Variants in FNBP1L observed in about 807,000 individuals in gnomAD.
FNBP1L encodes formin-binding protein 1-like.
Under a neutral mutation model 91.2 loss-of-function variants are expected in FNBP1L, and 36 were observed. The ratio of observed to expected loss-of-function variants is 0.39; its 90% confidence interval spans 0.30 to 0.52. The LOEUF (loss-of-function observed/expected upper bound fraction) is 0.52. Among genes scored for constraint, FNBP1L ranks in the 20% least tolerant of loss-of-function variants. FNBP1L has a pLI of 0.66. For missense variants in FNBP1L, 571 were observed against 732.1 expected (o/e 0.78, Z 2.54); for synonymous variants, 242 against 237.0 (o/e 1.02, Z -0.19).
intron 1 of FNBP1L, among the ~76,000 whole-genome samples, chr1:93,459,317 T>C (rs1668781272): frequency 6.6e-6 from 1 of 152,182 alleles, no homozygotes; most frequent in South Asian, 2.1e-4. Context: ...CTACTATATT[T>C]GTAAACTATG....
chr1:93,450,594 C>T (rs1244229459), intron 1 of FNBP1L, among the ~76,000 whole-genome samples: 1 of 152,148 alleles, frequency 6.6e-6, no homozygotes, highest in East Asian at 1.9e-4. Flanking sequence ...AAGGATTATA[C>T]TTCTAATGGA....
At chr1:93,536,258 A>C (rs1163886900) in intron 9 of FNBP1L, 74 bp from the exon 10 acceptor site, 1 of 1,156,646 alleles carries the variant, frequency 8.6e-7, no homozygotes, top group African/African-American at 1.6e-5. Flanking sequence ...GTATGTTGCC[A>C]AAAATAGAAT....
rs1671652233 is a variant in FNBP1L, at chr1:93,530,888, A to G, written c.639+5A>G. 2.0e-6 allele frequency: 3 copies of G among 1,527,040 alleles called. No homozygotes were observed. The African/African-American group carries it at 4.2e-5, about 21-fold the overall frequency. 94.6% of individuals were successfully genotyped at this position (1,527,040 alleles called of 1,614,324 possible). ...GTGATTCCTCAGATTTACAAGGTAA[A>G]TCTTAGATATGAAGTTAATCTAGTT... is the stretch of plus-strand genomic sequence containing the variant. On this transcript the variant is annotated splice_donor_5th_base_variant and intron_variant, in intron 7 of 16. Transcript: ENST00000271234.
intron 1 of FNBP1L, among the ~76,000 whole-genome samples, chr1:93,455,618 C>G (rs1668636631): frequency 6.6e-6 from 1 of 152,190 alleles, no homozygotes; most frequent in African/African-American, 2.4e-5. Context: ...AGGGTGTTCA[C>G]TGGGAAAAAT....
At chr1:93,533,197 T>C in intron 8 of FNBP1L, 129 bp downstream of exon 8, 2 of 650,172 alleles carry the variant, frequency 3.1e-6, no homozygotes, top group Non-Finnish European at 4.7e-6. Flanking sequence ...TGTAGAAGAA[T>C]GTCTTGCAAT....
At chr1:93,503,634 G>A (rs1670509516) in intron 2 of FNBP1L, among the ~76,000 whole-genome samples, 3 of 152,252 alleles carry the variant, frequency 2.0e-5, no homozygotes, top group Middle Eastern at 3.4e-3. Flanking sequence ...AGAAAATAAA[G>A]CATCTAATTA....
In FNBP1L at chr1:93,547,352, G is replaced by T; in HGVS notation, c.1413G>T (p.Trp471Cys). ...TGCTTATTTTTTTTCCTAAGGCTTG[G>T]CTCTCTGAAGTCGAAGGCAAAACAG... is the stretch of plus-strand genomic sequence containing the variant. ...LRMEIHKNEAWLSEVEGKTGG... is the reference protein window; with the variant it reads ...LRMEIHKNEACLSEVEGKTGG... Residue 471 changes from tryptophan (W) to cysteine (C), a missense_variant, in exon 14 of 17, where the codon TGG (tryptophan) becomes TGT (cysteine). Trp to Cys is a radical substitution (Grantham distance 215). Around this residue, in one of 5 missense-constraint regions of FNBP1L, gnomAD observed 189 missense variants for 219.7 expected, o/e 0.86. Transcript: ENST00000271234. 6.4e-7 allele frequency: 1 copy of T among 1,556,214 alleles called. No homozygotes were observed. Among genetic ancestry groups the T allele is most frequent in the Non-Finnish European group, 8.7e-7 (1 of 1,149,150 alleles).
Position 93,499,583 on chromosome 1 carries a change from G to A in FNBP1L, c.140G>A (p.Arg47Lys), listed in dbSNP as rs2101725109. 2 of 1,537,448 alleles carry A rather than the reference G, an allele frequency of 1.3e-6. No homozygotes were observed. Among genetic ancestry groups the A allele is most frequent in the Non-Finnish European group, 8.8e-7 (1 of 1,139,792 alleles). ...GAACAGAACTATGCGAAACAATTGAGGTAAGTTAATTTTTTTTTCAGTTTT... is the reference window on the plus strand; with the variant it reads ...GAACAGAACTATGCGAAACAATTGAAGTAAGTTAATTTTTTTTTCAGTTTT... Reference protein sequence around the residue: ...EIEQNYAKQLRNLVKKYCPKR... With the variant: ...EIEQNYAKQLKNLVKKYCPKR... The change falls in exon 2 of 17, where the codon AGA (arginine) becomes AAA (lysine). Residue 47 changes from arginine (R) to lysine (K), a missense_variant and splice_region_variant. This residue lies in a region of FNBP1L where 220 missense variants were observed against 313.6 expected (regional missense o/e 0.70). Coordinates refer to ENST00000271234, the MANE Select transcript of FNBP1L (RefSeq NM_001164473.3).
At chr1:93,544,530 A>G (rs1334331731) in intron 12 of FNBP1L, among the ~76,000 whole-genome samples, 1 of 152,094 alleles carries the variant, frequency 6.6e-6, no homozygotes, top group Non-Finnish European at 1.5e-5. Context: ...TTTTGCTTTT[A>G]TATATAAATT....
chr1:93,504,343 G>T (rs770446615), intron 2 of FNBP1L, among the ~76,000 whole-genome samples: 1 of 151,980 alleles, frequency 6.6e-6, no homozygotes, highest in Admixed American at 6.6e-5. Context: ...TAAATATTTC[G>T]GGTAGGCTTA....
intron 11 of FNBP1L, among the ~76,000 whole-genome samples, 166 bp downstream of exon 11, chr1:93,541,222 A>C (rs750799786): frequency 6.6e-6 from 1 of 152,158 alleles, no homozygotes; most frequent in African/African-American, 2.4e-5. Context: ...TCTTGATGTC[A>C]TAAGATTAGA....
chr1:93,543,571 T>G (rs567944436), intron 11 of FNBP1L, among the ~76,000 whole-genome samples: 1 of 152,302 alleles, frequency 6.6e-6, no homozygotes, highest in Non-Finnish European at 1.5e-5. Flanking sequence ...CTATATGTAG[T>G]GTTAAAGTAT....
intron 1 of FNBP1L, among the ~76,000 whole-genome samples, chr1:93,468,825 C>A (rs1413311339): frequency 6.6e-6 from 1 of 152,054 alleles, no homozygotes; most frequent in Admixed American, 6.6e-5. Context: ...CTATTTTTAA[C>A]CATTTTAGGA....
chr1:93,459,281 A>G (rs554527076), intron 1 of FNBP1L, among the ~76,000 whole-genome samples: 2 of 152,256 alleles, frequency 1.3e-5, no homozygotes, highest in South Asian at 4.1e-4. Context: ...AAAGAACAGA[A>G]TGTATCCTCT....
chr1:93,538,862 CTTTTCCTTTTTT>C (rs1266271399), intron 10 of FNBP1L, among the ~76,000 whole-genome samples: 14 of 151,722 alleles, frequency 9.2e-5, no homozygotes, highest in Non-Finnish European at 1.5e-5. Context: ...TTTTCTTTTT[CTTTTCCTTTTTT>C]AAAGAAAAAC....
At chr1:93,485,225 G>C (rs1311452033) in intron 1 of FNBP1L, among the ~76,000 whole-genome samples, 1 of 151,664 alleles carries the variant, frequency 6.6e-6, no homozygotes, top group African/African-American at 2.4e-5. Flanking sequence ...TAAGATAGCT[G>C]TGTGGGAAGA....
intron 1 of FNBP1L, among the ~76,000 whole-genome samples, chr1:93,493,572 C>T (rs1344705409): frequency 6.6e-6 from 1 of 152,136 alleles, no homozygotes; most frequent in Non-Finnish European, 1.5e-5. Flanking sequence ...TTCCTTCTCT[C>T]TGGTTTTGAC....
intron 2 of FNBP1L, among the ~76,000 whole-genome samples, chr1:93,517,376 A>C (rs769910522): frequency 2.0e-5 from 3 of 151,868 alleles, no homozygotes; most frequent in Non-Finnish European, 4.4e-5. Context: ...CCCAGGCTGG[A>C]GTGCAGTGGC....
At chr1:93,482,134 C>T (rs1669727664) in intron 1 of FNBP1L, among the ~76,000 whole-genome samples, 2 of 151,970 alleles carry the variant, frequency 1.3e-5, no homozygotes, top group African/African-American at 4.8e-5. Flanking sequence ...TGCACTCCAG[C>T]CTGGGCAACA....
Sources: gnomAD v4.1 joint callset for allele counts (sites outside exome capture counted in the v4.1 genomes callset) on GRCh38, gnomAD v4.1.1 for gene constraint, gnomAD v4.1.1 regional missense constraint, MANE v1.5 for transcripts, NCBI Gene and HGNC (gene_info 2026-07-23, HGNC 2026-07-21) for gene names.